GSE1: variants seen among roughly 807,000 people sequenced by gnomAD.
GSE1 encodes the protein genetic suppressor element 1.
Under a neutral mutation model 112.6 loss-of-function variants are expected in GSE1, and 32 were observed. The ratio of observed to expected loss-of-function variants is 0.28; its 90% CI spans 0.21 to 0.38. The LOEUF (loss-of-function observed/expected upper bound fraction) is 0.38, where lower values mean the gene tolerates loss of function less well. GSE1 is among the 10% of genes least tolerant of loss of function. The pLI, the probability that GSE1 is intolerant of heterozygous loss-of-function variation, is 1.00. For synonymous variants in GSE1, 1,115 were observed against 735.6 expected, an observed-to-expected ratio of 1.52 and a Z score of -8.35; for missense variants, 2,348 against 1,699.2, an observed-to-expected ratio of 1.38 and a Z score of -6.71.
At chr16:85,245,952 C>T (rs1905613041) in intron 1 of GSE1, among the ~76,000 whole-genome samples, 1 of 148,026 alleles carries the variant, frequency 6.8e-6, no homozygotes, top group African/African-American at 2.5e-5. Context: ...AGTTGGGGAG[C>T]AGGGCGTGTG....
Position 85,594,076 on chromosome 16 carries a change from C to G in GSE1, c.37+37713C>G, listed in dbSNP as rs2047112374. 3.3e-5 allele frequency: 5 copies of G among 152,136 alleles called. No individual in the cohort carries two copies. In the South Asian group the frequency reaches 1.0e-3, roughly 32 times the overall value. 9.4% of individuals were successfully genotyped at this position (152,136 alleles called of 1,614,324 possible). A position where few individuals can be genotyped will look rare whatever the true frequency, so the allele number is the denominator to read the frequency against. On this transcript the variant is annotated intron_variant, in intron 1 of 2. Coordinates refer to the GSE1 transcript ENST00000635906. ...TAATGCATCAGAGTGGCAAATTTGA[C>G]TTCTTTGCAGAAAAGGGAGGGAGGA...
intron 2 of GSE1, 29 bp downstream of exon 2, chr16:85,634,161 G>A (rs1439727116): frequency 8.0e-6 from 11 of 1,373,688 alleles, no homozygotes; most frequent in South Asian, 1.6e-5. Context: ...CTGCGCGTGG[G>A]GGGAGCGGCG....
chr16:85,211,312 GT>G (rs566877175), intron 1 of GSE1, among the ~76,000 whole-genome samples: 92 of 139,050 alleles, frequency 6.6e-4, no homozygotes, highest in Middle Eastern at 3.7e-3. Flanking sequence ...TTTTTTTTTT[GT>G]TTTTTTTTTT....
At chr16:85,348,749 C>G (rs943402574) in intron 1 of GSE1, among the ~76,000 whole-genome samples, 1 of 152,182 alleles carries the variant, frequency 6.6e-6, no homozygotes, top group Non-Finnish European at 1.5e-5. Flanking sequence ...CGTGGATTGT[C>G]CAGGAGACTC....
rs2075316854 is a variant in GSE1, at chr16:85,217,065, G to T, written c.2283+45258G>T. Among the ~76,000 whole-genome samples, 2 of 152,344 alleles carry T rather than the reference G, an allele frequency of 1.3e-5. 1 individual carries two copies. On this transcript the variant is annotated intron_variant, in intron 1 of 2. Transcript: ENST00000637419. ...TGGATTTGGGGCCTTGGCTGCGCCA[G>T]GTAATCCTGAGATAACCTTGGGCAA...
intron 2 of GSE1, among the ~76,000 whole-genome samples, chr16:85,541,345 T>C (rs901970690): frequency 2.6e-5 from 4 of 152,130 alleles, no homozygotes; most frequent in Non-Finnish European, 5.9e-5. Flanking sequence ...CGAGGGACTT[T>C]CTCCACTGTG....
intron 1 of GSE1, among the ~76,000 whole-genome samples, chr16:85,207,360 C>T (rs1309675681): frequency 1.3e-5 from 2 of 152,230 alleles, no homozygotes; most frequent in African/African-American, 2.4e-5. Flanking sequence ...GGGGCCCCTG[C>T]CCGCCGCCAG....
chr16:85,379,082 A>G lies in GSE1; in HGVS notation c.2464+21439A>G, dbSNP rs562691815. Among the ~76,000 whole-genome samples the G allele has an allele frequency of 3.7e-4, 57 of 152,262 alleles. 1 individual carries two copies. The South Asian group carries it at 0.011, about 31-fold the overall frequency. On this transcript the variant is annotated intron_variant, in intron 2 of 2. Coordinates refer to the GSE1 transcript ENST00000637419. ...CCACAGAGCCGCTATGACTCTCCCC[A>G]GAGAGCTGCCATCTCCCTGCACTCT...
intron 2 of GSE1, among the ~76,000 whole-genome samples, chr16:85,540,479 C>A (rs1297621785): frequency 1.3e-5 from 2 of 152,236 alleles, no homozygotes; most frequent in African/African-American, 4.8e-5. Context: ...CCTTGACCCT[C>A]AAGGCCATAA....
chr16:85,266,256 T>A (rs1230272438), intron 1 of GSE1, among the ~76,000 whole-genome samples: 1 of 152,124 alleles, frequency 6.6e-6, no homozygotes, highest in African/African-American at 2.4e-5. Context: ...TGGGCATGCG[T>A]CCTCTCTCTC....
chr16:85,556,815 C>G (rs538458772), intron 1 of GSE1, among the ~76,000 whole-genome samples: 3 of 145,286 alleles, frequency 2.1e-5, no homozygotes, highest in Middle Eastern at 3.5e-3. Context: ...TGCGCGGTCT[C>G]GGCGCGAGCG....
At chr16:85,532,124 G>T (rs1346588145) in intron 2 of GSE1, among the ~76,000 whole-genome samples, 1 of 152,156 alleles carries the variant, frequency 6.6e-6, no homozygotes, top group East Asian at 1.9e-4. Flanking sequence ...TTGTGTATTG[G>T]TTCTGTATAT....
chr16:85,567,194 C>T (rs1054934664), intron 1 of GSE1, among the ~76,000 whole-genome samples: 6 of 151,750 alleles, frequency 4.0e-5, no homozygotes, highest in African/African-American at 9.7e-5. Context: ...CCAACCGTTG[C>T]GGGGGAGGGG....
intron 2 of GSE1, among the ~76,000 whole-genome samples, chr16:85,372,837 G>A (rs1236354739): frequency 6.6e-6 from 1 of 152,200 alleles, no homozygotes; most frequent in African/African-American, 2.4e-5. Flanking sequence ...CACCCTGGGA[G>A]GTGGGCAGGC....
At chr16:85,475,872 C>T (rs2050437881) in intron 2 of GSE1, among the ~76,000 whole-genome samples, 1 of 151,648 alleles carries the variant, frequency 6.6e-6, no homozygotes, top group African/African-American at 2.4e-5. Context: ...GATCGTTCCA[C>T]CTCAGCCTCC....
intron 2 of GSE1, among the ~76,000 whole-genome samples, chr16:85,463,288 G>T (rs928369579): frequency 1.3e-5 from 2 of 152,188 alleles, no homozygotes; most frequent in African/African-American, 4.8e-5. Context: ...CCCCAGCGCC[G>T]CCTCCTCATG....
At chr16:85,562,335 C>A (rs1016447846) in intron 1 of GSE1, among the ~76,000 whole-genome samples, 3 of 152,196 alleles carry the variant, frequency 2.0e-5, no homozygotes, top group Admixed American at 6.5e-5. Context: ...CAGCCCTTTT[C>A]CGAGGGGCCT....
chr16:85,672,517 A>G lies in GSE1; in HGVS notation c.3632A>G (p.Tyr1211Cys), dbSNP rs771386196. ...CCTGCAATGCACTGGCCTAGGGGCT[A>G]CCTGAAGGGATATCCCAGGTGACGG... is the stretch of plus-strand genomic sequence containing the variant. ...ALPAMHWPRG[Y>C]LKGYPR The change falls in exon 16 of 16, where the codon TAC becomes TGC. Residue 1211 changes from tyrosine (Y) to cysteine (C), a missense_variant. Physicochemically the swap from Tyr to Cys is radical, Grantham distance 194. Transcript: ENST00000253458. 6 of 1,608,636 alleles carry G rather than the reference A, an allele frequency of 3.7e-6. No homozygotes were observed. Among genetic ancestry groups the G allele is most frequent in the Non-Finnish European group, 5.1e-6 (6 of 1,175,726 alleles).
intron 1 of GSE1, among the ~76,000 whole-genome samples, chr16:85,578,150 G>C (rs188239346): frequency 2.0e-5 from 3 of 152,256 alleles, no homozygotes; most frequent in African/African-American, 7.2e-5. Flanking sequence ...GAGATTGGCA[G>C]GGCCTCTCCC....
Sources: allele counts gnomAD v4.1 joint callset (sites outside exome capture counted in the v4.1 genomes callset), GRCh38; gene constraint gnomAD v4.1.1; transcripts MANE v1.5; gene names NCBI Gene and HGNC (gene_info 2026-07-23, HGNC 2026-07-21).